Variants in MYZAP observed in about 807,000 individuals in gnomAD.
The protein encoded by MYZAP is GRINL1A complex locus upstream.
A neutral mutation model predicts 69.4 loss-of-function variants in MYZAP; 66 were observed. The ratio of observed to expected loss-of-function variants is 0.95; its 90% CI spans 0.78 to 1.17. The LOEUF (loss-of-function observed/expected upper bound fraction) is 1.17. MYZAP is among the 50% of genes most tolerant of loss of function. The probability of loss-of-function intolerance (pLI) is 0.00; values close to 1 mark genes in which losing one functional copy is unlikely to be tolerated. For missense variants in MYZAP, 611 were observed against 556.2 expected, an observed-to-expected ratio of 1.10 and a Z score of -0.99; for synonymous variants, 256 against 205.9, an observed-to-expected ratio of 1.24 and a Z score of -2.09.
chr15:57,675,853 T>C (rs1165611496), intron 12 of MYZAP, among the ~76,000 whole-genome samples: 1 of 152,198 alleles, frequency 6.6e-6, no homozygotes, highest in Non-Finnish European at 1.5e-5. Flanking sequence ...GCTAATGACA[T>C]GTGACTTGTG....
rs1471772415 is a variant in MYZAP, at chr15:57,604,313, A to T, written c.120A>T (p.Pro40=). Residue 40 remains proline (P), a synonymous_variant, in exon 2 of 13, where the codon CCA becomes CCT. Transcript: ENST00000267853. ...GGCTGACCGTACCTCCTGAGAGTCC[A>T]GTTCCTGAGCAATGTGAAAAGAAGA... The part of the protein sequence containing the change: ...RLRLTVPPES[P]VPEQCEKKIE... The T allele has an allele frequency of 1.9e-6, 3 of 1,614,200 alleles. No homozygotes were observed.
chr15:57,661,639 T>C, intron 11 of MYZAP, 106 bp downstream of exon 11: 1 of 1,020,752 alleles, frequency 9.8e-7, no homozygotes, highest in Non-Finnish European at 1.4e-6. Context: ...TTCCCGGCCT[T>C]ATAAAATTGA....
chr15:57,634,897 G>T (rs1179110328), intron 8 of MYZAP, among the ~76,000 whole-genome samples: 1 of 152,172 alleles, frequency 6.6e-6, no homozygotes, highest in East Asian at 1.9e-4. Context: ...TGAAGATTGG[G>T]CAACAAGGGA....
intron 1 of MYZAP, chr15:57,599,621 A>G (rs763398528): frequency 1.0e-5 from 13 of 1,289,050 alleles, no homozygotes; most frequent in Non-Finnish European, 1.1e-5. Context: ...CCTTTCAGGC[A>G]CTGCCAAGCC....
chr15:57,645,000 T>C (rs2037368430), intron 10 of MYZAP, among the ~76,000 whole-genome samples: 1 of 152,246 alleles, frequency 6.6e-6, no homozygotes, highest in Non-Finnish European at 1.5e-5. Context: ...CAACTGTGCA[T>C]GTATGCACGT....
At chr15:57,633,583 T>G in intron 7 of MYZAP, 30 bp from the exon 8 acceptor site, 1 of 1,600,826 alleles carries the variant, frequency 6.2e-7, no homozygotes, top group Non-Finnish European at 8.5e-7. Context: ...ACTCCATGCC[T>G]GTACTTAGGA....
In MYZAP at chr15:57,610,669, G is replaced by A. The variant is rs189750202; in HGVS notation, c.162+6314G>A. Among the ~76,000 whole-genome samples the A allele has an allele frequency of 6.6e-4, 101 of 152,248 alleles. 1 individual carries two copies. Among genetic ancestry groups the A allele is most frequent in the Admixed American group, 5.6e-3 (86 of 15,296 alleles). On this transcript the variant is annotated intron_variant, in intron 2 of 12. Coordinates refer to ENST00000267853, the MANE Select transcript of MYZAP (RefSeq NM_001018100.5). ...TTTTTCCAAACATTCCTTTATTCAC[G>A]TTGATAAATGTGGAAGTTCTATTGG...
intron 2 of MYZAP, among the ~76,000 whole-genome samples, chr15:57,612,754 T>C (rs1428509274): frequency 6.6e-6 from 1 of 152,170 alleles, no homozygotes; most frequent in East Asian, 1.9e-4. Context: ...CTGCCAGATG[T>C]ATCTTTAGGG....
intron 5 of MYZAP, among the ~76,000 whole-genome samples, chr15:57,628,900 C>T (rs760067639): frequency 1.3e-4 from 20 of 151,732 alleles, no homozygotes; most frequent in Non-Finnish European, 2.1e-4. Context: ...CTGGCCAATA[C>T]GGTGAAACCC....
At chr15:57,621,476 T>A in intron 3 of MYZAP, 132 bp from the exon 4 acceptor site, 1 of 905,080 alleles carries the variant, frequency 1.1e-6, no homozygotes, top group East Asian at 3.1e-5. Context: ...CCTCCCAAAG[T>A]GCTGGGATTA....
intron 10 of MYZAP, among the ~76,000 whole-genome samples, chr15:57,643,382 G>T (rs999684220): frequency 6.6e-6 from 1 of 152,170 alleles, no homozygotes; most frequent in Non-Finnish European, 1.5e-5. Context: ...GAAAAGCTTT[G>T]TTGGGATTGG....
intron 2 of MYZAP, among the ~76,000 whole-genome samples, chr15:57,615,586 T>A (rs2035382739): frequency 6.6e-6 from 1 of 152,190 alleles, no homozygotes; most frequent in Non-Finnish European, 1.5e-5. Flanking sequence ...CATTGGCTTG[T>A]TTTTTAGGAA....
chr15:57,630,974 G>A lies in MYZAP; in HGVS notation c.678+1120G>A, dbSNP rs575823254. Among the ~76,000 whole-genome samples, 327 of 152,250 alleles carry A rather than the reference G, an allele frequency of 2.1e-3. 5 individuals are homozygous for A. Among genetic ancestry groups the A allele is most frequent in the Non-Finnish European group, 1.1e-3 (74 of 68,022 alleles). On this transcript the variant is annotated intron_variant, in intron 6 of 12. Coordinates refer to ENST00000267853, the MANE Select transcript of MYZAP (RefSeq NM_001018100.5). Reference sequence around the variant, plus strand: ...GGGGAAGAGGGGCTGCCGGTCCACCGCCCGGTCTCTGTATTGCCGCCCTGG... The same window carrying A: ...GGGGAAGAGGGGCTGCCGGTCCACCACCCGGTCTCTGTATTGCCGCCCTGG...
chr15:57,592,775 A>G (rs1423471497), intron 1 of MYZAP, among the ~76,000 whole-genome samples: 1 of 152,074 alleles, frequency 6.6e-6, no homozygotes, highest in Non-Finnish European at 1.5e-5. Flanking sequence ...ATCTTTTCCC[A>G]TCTCTCCAGA....
chr15:57,644,154 A>G (rs2037320095), intron 10 of MYZAP, among the ~76,000 whole-genome samples: 2 of 152,194 alleles, frequency 1.3e-5, no homozygotes, highest in African/African-American at 4.8e-5. Context: ...AGGATTGAGA[A>G]TCGCTGTCCC....
chr15:57,622,073 A>T (rs2035853991), intron 4 of MYZAP, among the ~76,000 whole-genome samples: 1 of 152,236 alleles, frequency 6.6e-6, no homozygotes, highest in South Asian at 2.1e-4. Context: ...ATATGATTGT[A>T]TACCTGGAAA....
chr15:57,667,413 A>G (rs1471208336), intron 11 of MYZAP, among the ~76,000 whole-genome samples: 2 of 152,118 alleles, frequency 1.3e-5, no homozygotes, highest in Admixed American at 6.5e-5. Context: ...CTCCCAAGCC[A>G]TTGGGTTGGT....
chr15:57,668,398 C>T (rs140857767), intron 11 of MYZAP, among the ~76,000 whole-genome samples: 216 of 152,262 alleles, frequency 1.4e-3, no homozygotes, highest in African/African-American at 4.9e-3. Context: ...AATTTTCCAG[C>T]AGTTTGAGTG....
intron 10 of MYZAP, chr15:57,646,319 A>G: frequency 8.3e-7 from 1 of 1,209,116 alleles, no homozygotes; most frequent in Non-Finnish European, 1.1e-6. Flanking sequence ...AACAGGAAGG[A>G]CATATTATTT....
Sources: gnomAD v4.1 joint callset for allele counts (sites outside exome capture counted in the v4.1 genomes callset) on GRCh38, gnomAD v4.1.1 for gene constraint, MANE v1.5 for transcripts, NCBI Gene and HGNC (gene_info 2026-07-23, HGNC 2026-07-21) for gene names.